Variants in AOAH observed in about 807,000 individuals in gnomAD.
AOAH encodes the protein acyloxyacyl hydrolase (neutrophil).
Under a neutral mutation model 92.2 loss-of-function variants are expected in AOAH, and 64 were observed. The ratio of observed to expected loss-of-function variants is 0.69; its 90% CI spans 0.57 to 0.86. AOAH has a LOEUF of 0.86. AOAH is among the 40% of genes least tolerant of loss of function. AOAH has a pLI of 0.00. For missense variants in AOAH, 656 were observed against 694.6 expected (o/e 0.94, Z 0.62); for synonymous variants, 263 against 254.5 (o/e 1.03, Z -0.32).
intron 20 of AOAH, among the ~76,000 whole-genome samples, chr7:36,519,248 C>T (rs554751875): frequency 4.6e-5 from 7 of 152,346 alleles, no homozygotes; most frequent in African/African-American, 1.4e-4. Context: ...CGTCTGTCAA[C>T]TCCACGGTCA....
intron 1 of AOAH, among the ~76,000 whole-genome samples, chr7:36,722,673 T>C (rs907754457): frequency 2.0e-5 from 3 of 150,404 alleles, no homozygotes; most frequent in Non-Finnish European, 4.4e-5. Context: ...CGGTGGCTCA[T>C]GCCTGTAATC....
At chr7:36,545,027 A>G (rs1785712157) in intron 15 of AOAH, among the ~76,000 whole-genome samples, 1 of 151,676 alleles carries the variant, frequency 6.6e-6, no homozygotes, top group East Asian at 1.9e-4. Context: ...TTGGGCTCCC[A>G]TCCAATCCCC....
Position 36,548,803 on chromosome 7 carries a change from T to C in AOAH, c.1059-117A>G, listed in dbSNP as rs537786852. 44 of 764,818 alleles carry C rather than the reference T, an allele frequency of 5.8e-5. No homozygotes were observed. The African/African-American group carries it at 7.5e-4, about 13-fold the overall frequency. The allele number at this position is 764,818 out of a possible 1,614,324, so 47.4% of individuals were successfully genotyped here. On this transcript the variant is annotated intron_variant, in intron 14 of 20. Coordinates refer to ENST00000617537, the MANE Select transcript of AOAH (RefSeq NM_001637.4). ...GGTATGACCACCCTCTTGGCAACTT[T>C]TTGCTATTTTTCTTTCATTCTAGTA... is the stretch of plus-strand genomic sequence containing the variant.
intron 11 of AOAH, among the ~76,000 whole-genome samples, chr7:36,599,364 A>G (rs1790377112): frequency 6.6e-6 from 1 of 152,238 alleles, no homozygotes; most frequent in Admixed American, 6.5e-5. Context: ...TGATTCTGCC[A>G]GTCTTCCAGC....
chr7:36,663,320 G>T (rs998050917), intron 3 of AOAH, among the ~76,000 whole-genome samples: 1 of 152,026 alleles, frequency 6.6e-6, no homozygotes, highest in Non-Finnish European at 1.5e-5. Flanking sequence ...CATTATCATC[G>T]TCCAAAGTGT....
At position 36,576,596 on chromosome 7, in the gene AOAH, G is replaced by A. The variant is rs75346624; in HGVS notation, c.999C>T (p.Asp333=). 182 of 1,578,576 alleles carry A rather than the reference G, an allele frequency of 1.2e-4. 2 individuals are homozygous for A. The East Asian group carries it at 3.3e-3, about 28-fold the overall frequency. ...LWKRNHCNHR[D]YQNISRNGAS... Reference sequence around the variant, plus strand: ...TACCATTTCTTGAAATATTCTGGTAGTCCCTGTGATTACAGTGGTTTCTTT... The same window carrying A: ...TACCATTTCTTGAAATATTCTGGTAATCCCTGTGATTACAGTGGTTTCTTT... Residue 333 remains aspartate, a synonymous_variant, in exon 13 of 21, where the codon GAC becomes GAT. Transcript: ENST00000617537.
intron 11 of AOAH, among the ~76,000 whole-genome samples, chr7:36,609,295 C>T (rs1791244085): frequency 6.6e-6 from 1 of 152,142 alleles, no homozygotes; most frequent in Non-Finnish European, 1.5e-5. Context: ...GCCTGATCCC[C>T]GCTCTCCCCC....
rs545858152 is a variant in AOAH at position 36,594,368 on chromosome 7, A to G, written c.909T>C (p.Gly303=). 2.5e-6 allele frequency: 4 copies of G among 1,614,082 alleles called. 1 individual carries two copies. The South Asian group carries it at 4.4e-5, about 18-fold the overall frequency. ...CAGTGGAGTCCAGAAATCCTGTAGC[A>G]CCAGAGAGTTGGGGCCAGTCAAGCT... ...TNELDWPQLS[G]ATGFLDSTVG... The change falls in exon 12 of 21, where the codon GGT becomes GGC. Residue 303 remains glycine, a synonymous_variant. Coordinates refer to ENST00000617537, the MANE Select transcript of AOAH (RefSeq NM_001637.4).
intron 11 of AOAH, among the ~76,000 whole-genome samples, chr7:36,613,569 C>G (rs1000199983): frequency 6.6e-6 from 1 of 152,036 alleles, no homozygotes; most frequent in Non-Finnish European, 1.5e-5. Flanking sequence ...TTCCTGCATG[C>G]CTCTCTCCTC....
At chr7:36,708,571 A>G (rs1451544340) in intron 1 of AOAH, among the ~76,000 whole-genome samples, 1 of 152,030 alleles carries the variant, frequency 6.6e-6, no homozygotes, top group Non-Finnish European at 1.5e-5. Context: ...TGCTTTTTTC[A>G]TAAGTATGGA....
At chr7:36,623,400 G>A (rs955496288) in intron 6 of AOAH, 150 bp from the exon 7 acceptor site, 1 of 684,108 alleles carries the variant, frequency 1.5e-6, no homozygotes, top group Admixed American at 2.9e-5. Context: ...CCTGTGTGGT[G>A]TCAGACAGAG....
intron 1 of AOAH, among the ~76,000 whole-genome samples, chr7:36,691,174 T>C (rs1261134312): frequency 2.6e-5 from 4 of 152,196 alleles, no homozygotes; most frequent in African/African-American, 9.7e-5. Flanking sequence ...TATTATTATC[T>C]CATTCAAACT....
chr7:36,665,617 C>G (rs935168206), intron 3 of AOAH, among the ~76,000 whole-genome samples: 3 of 152,088 alleles, frequency 2.0e-5, no homozygotes, highest in Non-Finnish European at 4.4e-5. Context: ...TTGCCTTGTT[C>G]CTCATACTAG....
At chr7:36,558,570 C>T (rs1472139972) in intron 13 of AOAH, among the ~76,000 whole-genome samples, 6 of 152,248 alleles carry the variant, frequency 3.9e-5, no homozygotes, top group African/African-American at 1.4e-4. Context: ...TGTGCCCTGC[C>T]CCCAGAGGTG....
intron 11 of AOAH, among the ~76,000 whole-genome samples, chr7:36,612,489 A>G (rs1171535250): frequency 1.3e-5 from 2 of 152,244 alleles, no homozygotes; most frequent in Non-Finnish European, 2.9e-5. Context: ...TCTTATAAAT[A>G]AATACCTCTG....
At chr7:36,573,771 T>C (rs1251502819) in intron 13 of AOAH, among the ~76,000 whole-genome samples, 1 of 152,212 alleles carries the variant, frequency 6.6e-6, no homozygotes, top group African/African-American at 2.4e-5. Flanking sequence ...GACAGAGTTA[T>C]GTATAGACGT....
intron 11 of AOAH, among the ~76,000 whole-genome samples, chr7:36,603,652 T>C (rs1790768720): frequency 6.6e-6 from 1 of 152,188 alleles, no homozygotes; most frequent in Admixed American, 6.5e-5. Flanking sequence ...AATATGTAAG[T>C]GAACGGGCAT....
chr7:36,673,608 G>T (rs1363162278), intron 3 of AOAH, among the ~76,000 whole-genome samples: 4 of 152,166 alleles, frequency 2.6e-5, no homozygotes, highest in Admixed American at 2.6e-4. Flanking sequence ...AGGAGCAAGG[G>T]CTGGGAGTAG....
intron 1 of AOAH, among the ~76,000 whole-genome samples, chr7:36,707,471 A>C (rs1798494609): frequency 6.6e-6 from 1 of 152,202 alleles, no homozygotes; most frequent in South Asian, 2.1e-4. Context: ...ACACAGAGAC[A>C]TGAAGTGAGC....
Sources: gnomAD v4.1 joint callset for allele counts (sites outside exome capture counted in the v4.1 genomes callset) on GRCh38, gnomAD v4.1.1 for gene constraint, MANE v1.5 for transcripts, NCBI Gene and HGNC (gene_info 2026-07-23, HGNC 2026-07-21) for gene names.